PLSCR1: variants seen among roughly 807,000 people sequenced by gnomAD.
The protein encoded by PLSCR1 is PL scramblase 1.
Under a neutral mutation model 37.8 loss-of-function variants are expected in PLSCR1, and 17 were observed. The observed-to-expected ratio is 0.45, with a 90% CI of 0.31 to 0.68. The LOEUF is 0.68. Ranked by LOEUF, PLSCR1 falls within the 30% of genes least tolerant of loss-of-function variation. The pLI is 0.06. For synonymous variants in PLSCR1, 116 were observed against 125.9 expected (o/e 0.92, Z 0.53); for missense variants, 347 against 380.9 (o/e 0.91, Z 0.74).
intron 3 of PLSCR1, among the ~76,000 whole-genome samples, chr3:146,531,757 A>T (rs1172672964): frequency 1.3e-5 from 2 of 152,168 alleles, no homozygotes; most frequent in African/African-American, 4.8e-5. Flanking sequence ...TATCACCCTT[A>T]TTTATAGATA....
In PLSCR1 at chr3:146,544,553, A is replaced by G. The variant is rs1414443510; in HGVS notation, c.-100T>C. On this transcript the variant is annotated 5_prime_UTR_variant, in exon 1 of 9. Transcript: ENST00000342435. ...ATGGCTTCCTCTTCTGCGCCTCTAGACTGCCGGGCACAGCTGCTGCGCAAC... is the reference window on the plus strand; with the variant it reads ...ATGGCTTCCTCTTCTGCGCCTCTAGGCTGCCGGGCACAGCTGCTGCGCAAC... The G allele has an allele frequency of 6.6e-6, 1 of 152,316 alleles. No homozygotes were observed. The highest frequency in any genetic ancestry group is 2.4e-5 in the African/African-American group (1 of 41,430). The allele number at this position is 152,316 out of a possible 1,614,324, so 9.4% of individuals were successfully genotyped here. A position where few individuals can be genotyped will look rare whatever the true frequency, so the allele number is the denominator to read the frequency against.
chr3:146,526,264 T>C (rs1308019256), intron 4 of PLSCR1, among the ~76,000 whole-genome samples: 7 of 128,550 alleles, frequency 5.4e-5, no homozygotes, highest in African/African-American at 2.1e-4. Flanking sequence ...TATGAAAAAA[T>C]GCTCAACATC....
intron 1 of PLSCR1, among the ~76,000 whole-genome samples, chr3:146,538,458 T>A (rs565786265): frequency 1.3e-5 from 2 of 152,272 alleles, no homozygotes; most frequent in African/African-American, 4.8e-5. Flanking sequence ...GTAGGTAGTA[T>A]CCTTTAATTA....
At chr3:146,531,209 A>G (rs1387633293) in intron 3 of PLSCR1, among the ~76,000 whole-genome samples, 2 of 152,230 alleles carry the variant, frequency 1.3e-5, no homozygotes, top group African/African-American at 4.8e-5. Flanking sequence ...AGAACATTTC[A>G]GAGCAACGTC....
chr3:146,528,353 A>G lies in PLSCR1; in HGVS notation c.312+261T>C, dbSNP rs2044147524. The G allele has an allele frequency of 6.3e-6, 3 of 474,946 alleles. No homozygotes were observed. The East Asian group carries it at 1.2e-4, about 19-fold the overall frequency. The allele number at this position is 474,946 out of a possible 1,614,324, so 29.4% of individuals were successfully genotyped here. A position where few individuals can be genotyped will look rare whatever the true frequency, so the allele number is the denominator to read the frequency against. ...AATACATGTATCAGGCATACAACAA[A>G]GGCAGGAAACAGTGCTAATTAAATG... is the stretch of plus-strand genomic sequence containing the variant. On this transcript the variant is annotated intron_variant, in intron 4 of 8. Transcript: ENST00000342435.
At chr3:146,518,051 T>TA (rs2043970505) in intron 7 of PLSCR1, among the ~76,000 whole-genome samples, 1 of 152,214 alleles carries the variant, frequency 6.6e-6, no homozygotes, top group African/African-American at 2.4e-5. Flanking sequence ...ATACTAGAAA[T>TA]AAACATCTAA....
At chr3:146,521,419 G>C in intron 7 of PLSCR1, 125 bp downstream of exon 7, 1 of 818,588 alleles carries the variant, frequency 1.2e-6, no homozygotes, top group South Asian at 1.8e-5. Context: ...AAATAAATGA[G>C]AAAATCATCT....
chr3:146,517,086 C>T lies in PLSCR1; in HGVS notation c.820G>A (p.Ala274Thr), dbSNP rs768615151. Reference protein sequence around the residue: ...TGILREAFTDADNFGIQFPLD... With the variant: ...TGILREAFTDTDNFGIQFPLD... ...GGGAACTGGATTCCAAAGTTATCAGCGTCTGTAAATGCCTCTCTCAAAATT... is the reference window on the plus strand; with the variant it reads ...GGGAACTGGATTCCAAAGTTATCAGTGTCTGTAAATGCCTCTCTCAAAATT... The change falls in exon 8 of 9, where the codon GCT (alanine) becomes ACT (threonine). Residue 274 changes from alanine to threonine, a missense_variant. Coordinates refer to ENST00000342435, the MANE Select transcript of PLSCR1 (RefSeq NM_021105.3). The T allele has an allele frequency of 1.1e-5, 18 of 1,601,820 alleles. No individual in the cohort carries two copies. Among genetic ancestry groups the T allele is most frequent in the Admixed American group, 3.4e-5 (2 of 58,852 alleles).
At position 146,515,495 on chromosome 3, in the gene PLSCR1, T is replaced by C. The variant is rs2043934317; in HGVS notation, c.*550A>G. 6.6e-6 allele frequency: 1 copy of C among 151,952 alleles called. No homozygotes were observed. Among genetic ancestry groups the C allele is most frequent in the African/African-American group, 2.4e-5 (1 of 41,446 alleles). The allele number at this position is 151,952 out of a possible 1,614,324, so 9.4% of individuals were successfully genotyped here. Reference sequence around the variant, plus strand: ...ATATCTTGTGAATATGAAAATATTATGGTATAGATTAGCTTCTAGGAGAAG... The same window carrying C: ...ATATCTTGTGAATATGAAAATATTACGGTATAGATTAGCTTCTAGGAGAAG... On this transcript the variant is annotated 3_prime_UTR_variant, in exon 9 of 9. Coordinates refer to ENST00000342435, the MANE Select transcript of PLSCR1 (RefSeq NM_021105.3).
rs1202793253 is a variant in PLSCR1 at position 146,516,151 on chromosome 3, A to G, written c.901-50T>C. 5.2e-6 allele frequency: 6 copies of G among 1,145,852 alleles called. No homozygotes were observed. The Admixed American group carries it at 5.7e-5, about 11-fold the overall frequency. The allele number at this position is 1,145,852 out of a possible 1,614,324, so 71.0% of individuals were successfully genotyped here. On this transcript the variant is annotated intron_variant, in intron 8 of 8. Transcript: ENST00000342435. The stretch of plus-strand genomic sequence containing the variant: ...ATGAATTTTCAACAACAAAACAGAG[A>G]TCAATTATCAGATGCAGAAATACTA...
Position 146,544,463 on chromosome 3 carries a change from G to GC in PLSCR1, c.-14+3dup, listed in dbSNP as rs2044379710. On this transcript the variant is annotated splice_donor_region_variant and intron_variant, in intron 1 of 8. Coordinates refer to ENST00000342435, the MANE Select transcript of PLSCR1 (RefSeq NM_021105.3). ...GGAGGCGGCAGAGAAAGCCGCCCGC[G>GC]CACCTCTGGCTGCCGCTGTTTCCGC... 1 of 152,416 alleles carries GC rather than the reference G, an allele frequency of 6.6e-6. No individual in the cohort carries two copies. Among genetic ancestry groups the GC allele is most frequent in the South Asian group, 2.1e-4 (1 of 4,838 alleles). The allele number at this position is 152,416 out of a possible 1,614,324, so 9.4% of individuals were successfully genotyped here. A position where few individuals can be genotyped will look rare whatever the true frequency, so the allele number is the denominator to read the frequency against.
chr3:146,529,382 TG>T (rs2044164594), intron 3 of PLSCR1, among the ~76,000 whole-genome samples: 2 of 152,182 alleles, frequency 1.3e-5, no homozygotes, highest in Admixed American at 1.3e-4. Context: ...ATACTGCATC[TG>T]GTGGGTAGAG....
Position 146,521,584 on chromosome 3 carries a change from G to T in PLSCR1, c.698C>A (p.Pro233Gln). 6.2e-7 allele frequency: 1 copy of T among 1,613,744 alleles called. No homozygotes were observed. Among genetic ancestry groups the T allele is most frequent in the Non-Finnish European group, 8.5e-7 (1 of 1,179,812 alleles). The change falls in exon 7 of 9, where the codon CCA becomes CAA. Residue 233 changes from proline to glutamine, a missense_variant. Physicochemically the swap from Pro to Gln is moderately conservative, Grantham distance 76. Transcript: ENST00000342435. ...KREDVLKISG[P>Q]CVVCSCCGDV... ...TCCACAACAGCTGCACACAACACAT[G>T]GACCACTTATTTTTAGTACATCCTC...
intron 3 of PLSCR1, among the ~76,000 whole-genome samples, chr3:146,530,075 C>T (rs541963530): frequency 1.2e-4 from 19 of 152,220 alleles, no homozygotes; most frequent in East Asian, 7.7e-4. Context: ...ATATTCTCTG[C>T]GAATGTGTGA....
chr3:146,532,574 G>T (rs1332677869), intron 3 of PLSCR1, among the ~76,000 whole-genome samples: 1 of 152,150 alleles, frequency 6.6e-6, no homozygotes, highest in Non-Finnish European at 1.5e-5. Context: ...GGACCCGCAG[G>T]GAGGTTTCTT....
In PLSCR1 at chr3:146,528,762, C is replaced by T. The variant is rs750742549; in HGVS notation, c.164G>A (p.Gly55Asp). 1 of 1,614,194 alleles carries T rather than the reference C, an allele frequency of 6.2e-7. No homozygotes were observed. The highest frequency in any genetic ancestry group is 2.2e-5 in the East Asian group (1 of 44,880). ...GACAGGAAAGCCAGCTGGGCCAGGA[C>T]CTGAATGGCCGGCTGGTGGGGGTGG... ...SYPPPPAGHS[G>D]PGPAGFPVPN... Residue 55 changes from glycine (G) to aspartate (D), a missense_variant, in exon 4 of 9, where the codon GGT (glycine) becomes GAT (aspartate). Physicochemically the swap from Gly to Asp is moderately conservative, Grantham distance 94. Transcript: ENST00000342435.
In PLSCR1 at chr3:146,521,686, G is replaced by C; in HGVS notation, c.596C>G (p.Pro199Arg). The change falls in exon 7 of 9, where the codon CCT becomes CGT. Residue 199 changes from proline (P) to arginine (R), a missense_variant. Pro to Arg is a moderately radical substitution (Grantham distance 103). Coordinates refer to ENST00000342435, the MANE Select transcript of PLSCR1 (RefSeq NM_021105.3). ...AATAACATAACCTATTGGTACACCA[G>C]GAGGAGCTTGGATTTCTATCTACAA... is the stretch of plus-strand genomic sequence containing the variant. ...CLQEIEIQAP[P>R]GVPIGYVIQT... 1 of 1,613,000 alleles carries C rather than the reference G, an allele frequency of 6.2e-7. No individual in the cohort carries two copies. Among genetic ancestry groups the C allele is most frequent in the Non-Finnish European group, 8.5e-7 (1 of 1,179,150 alleles).
chr3:146,543,666 G>A (rs1297201287), intron 1 of PLSCR1, among the ~76,000 whole-genome samples: 1 of 152,220 alleles, frequency 6.6e-6, no homozygotes, highest in Non-Finnish European at 1.5e-5. Context: ...GGAGAAGCAG[G>A]AACTTTGTCA....
intron 2 of PLSCR1, 53 bp from the exon 3 acceptor site, chr3:146,533,603 G>A (rs1022954773): frequency 7.7e-6 from 8 of 1,037,686 alleles, no homozygotes; most frequent in Non-Finnish European, 1.0e-5. Flanking sequence ...ATATATATTA[G>A]AAAGAAACAA....
Sources: gnomAD v4.1 joint callset for allele counts (sites outside exome capture counted in the v4.1 genomes callset) on GRCh38, gnomAD v4.1.1 for gene constraint, MANE v1.5 for transcripts, NCBI Gene and HGNC (gene_info 2026-07-23, HGNC 2026-07-21) for gene names.